The following MAPK10 variants were observed in gnomAD, a reference collection of about 807,000 sequenced individuals.
MAPK10 encodes JNK3 alpha protein kinase.
MAPK10 carries 25 observed loss-of-function variants against 59.3 expected under a neutral mutation model. The ratio of observed to expected loss-of-function variants is 0.42; its 90% CI spans 0.31 to 0.59. The LOEUF is 0.59. Ranked by LOEUF, MAPK10 falls within the 20% of genes least tolerant of loss-of-function variation. The pLI is 0.15. For synonymous variants in MAPK10, 190 were observed against 200.5 expected, an observed-to-expected ratio of 0.95 and a Z score of 0.44; for missense variants, 351 against 568.9, an observed-to-expected ratio of 0.62 and a Z score of 3.90.
At chr4:86,235,799 G>A (rs891505677) in intron 2 of MAPK10, among the ~76,000 whole-genome samples, 1 of 152,180 alleles carries the variant, frequency 6.6e-6, no homozygotes, top group Middle Eastern at 3.2e-3. Context: ...CTGAGGAGAA[G>A]CTTCAAAAAA....
intron 2 of MAPK10, chr4:86,325,922 G>C (rs2096011794): frequency 6.6e-6 from 1 of 152,182 alleles, no homozygotes; most frequent in Non-Finnish European, 1.5e-5. Flanking sequence ...CAGCATGTCA[G>C]AGGACCAGCA....
At chr4:86,390,319 C>T (rs1356928604) in intron 1 of MAPK10, among the ~76,000 whole-genome samples, 3 of 152,172 alleles carry the variant, frequency 2.0e-5, no homozygotes, top group Admixed American at 6.5e-5. Context: ...TTGAAAACTA[C>T]TGCACTTGAT....
chr4:86,182,128 C>T (rs1317672600), intron 3 of MAPK10, among the ~76,000 whole-genome samples: 1 of 150,976 alleles, frequency 6.6e-6, no homozygotes, highest in African/African-American at 2.4e-5. Flanking sequence ...TTTTATTGTC[C>T]AACATTACAA....
chr4:86,410,797 CTTCT>C (rs1388053976), intron 1 of MAPK10, among the ~76,000 whole-genome samples: 5 of 151,892 alleles, frequency 3.3e-5, no homozygotes, highest in Non-Finnish European at 7.4e-5. Flanking sequence ...TATCTCTTTT[CTTCT>C]TTATTAGTCT....
chr4:86,461,062 A>G (rs1486993405), intron 1 of MAPK10, among the ~76,000 whole-genome samples: 1 of 151,718 alleles, frequency 6.6e-6, no homozygotes, highest in Non-Finnish European at 1.5e-5. Flanking sequence ...GCTCAAACCC[A>G]GGTCGAAGGG....
In MAPK10 at chr4:86,451,902, T is replaced by C. The variant is rs1579272629; in HGVS notation, c.-122+1128A>G. On this transcript the variant is annotated intron_variant, in intron 1 of 13. Coordinates refer to the MAPK10 transcript ENST00000361569. ...CCAGCTCGGGGGATGACAGCTCATC[T>C]GGGGCCTGTGTGCACAAAGATGGAA... Among the ~76,000 whole-genome samples, 3 of 152,310 alleles carry C rather than the reference T, an allele frequency of 2.0e-5. No individual in the cohort carries two copies. In the East Asian group the frequency reaches 5.8e-4, roughly 29 times the overall value.
chr4:86,029,427 TTGCC>T, intron 12 of MAPK10, 153 bp from the exon 13 acceptor site: 1 of 603,472 alleles, frequency 1.7e-6, no homozygotes, highest in East Asian at 2.8e-5. Flanking sequence ...TATTTCTATA[TTGCC>T]TTGTAATTAG....
chr4:86,377,496 T>C (rs1270010025), intron 1 of MAPK10, among the ~76,000 whole-genome samples: 1 of 152,194 alleles, frequency 6.6e-6, no homozygotes. Context: ...CAAATCTTAC[T>C]TGGAGTGGGG....
chr4:86,439,622 G>T (rs988893407), intron 1 of MAPK10, among the ~76,000 whole-genome samples: 1 of 152,196 alleles, frequency 6.6e-6, no homozygotes, highest in African/African-American at 2.4e-5. Context: ...AGGTAGAATT[G>T]CTGGGTTATA....
chr4:86,069,393 A>G (rs979057676), intron 9 of MAPK10, among the ~76,000 whole-genome samples: 1 of 152,106 alleles, frequency 6.6e-6, no homozygotes, highest in East Asian at 1.9e-4. Context: ...TCCTTAATAA[A>G]GCAGTAGTAA....
At chr4:86,249,047 G>T (rs1380923) in intron 2 of MAPK10, among the ~76,000 whole-genome samples, 12,751 of 152,144 alleles carry the variant, frequency 0.084, 1,173 homozygotes, top group African/African-American at 0.23. Flanking sequence ...TAAAGGAGAA[G>T]AAATCTAAAT....
In MAPK10 at chr4:86,518,627, CTTTG is replaced by C. The variant is rs567909866; in HGVS notation, c.-263+75279_-263+75282del. Among the ~76,000 whole-genome samples, 553 of 144,804 alleles carry C rather than the reference CTTTG, an allele frequency of 3.8e-3. 2 individuals are homozygous for C. Among genetic ancestry groups the C allele is most frequent in the Middle Eastern group, 0.014 (4 of 282 alleles). The allele number at this position is 144,804 out of a possible 152,430, so 95.0% of individuals were successfully genotyped here. A position where few individuals can be genotyped will look rare whatever the true frequency, so the allele number is the denominator to read the frequency against. ...CAATTTCATTTAGTTCTGCTCTGATCTTTGTTTTTTTTTTTTTCTTCTGCTGGGC... is the reference window on the plus strand; with the variant it reads ...CAATTTCATTTAGTTCTGCTCTGATCTTTTTTTTTTTTTCTTCTGCTGGGC... On this transcript the variant is annotated intron_variant, in intron 1 of 4. Coordinates refer to the MAPK10 transcript ENST00000502302.
intron 7 of MAPK10, 123 bp downstream of exon 7, chr4:86,101,771 T>C (rs2055443130): frequency 4.3e-6 from 4 of 929,774 alleles, no homozygotes; most frequent in South Asian, 1.7e-5. Context: ...GTGCTAATTC[T>C]AGTATCAAAG....
chr4:86,277,976 A>T (rs1323453347), intron 2 of MAPK10, among the ~76,000 whole-genome samples: 9 of 152,054 alleles, frequency 5.9e-5, no homozygotes, highest in African/African-American at 2.2e-4. Context: ...TATATATCAC[A>T]AAGTATAACA....
chr4:86,101,457 AGGTTTT>A, intron 7 of MAPK10: 1 of 446,434 alleles, frequency 2.2e-6, no homozygotes, highest in Non-Finnish European at 4.0e-6. Flanking sequence ...TCTTGGGAAG[AGGTTTT>A]AGAAAAAAAA....
At chr4:86,532,576 T>C (rs1352739152) in intron 1 of MAPK10, among the ~76,000 whole-genome samples, 11 of 152,210 alleles carry the variant, frequency 7.2e-5, no homozygotes, top group African/African-American at 2.7e-4. Flanking sequence ...CCTCTCTTCC[T>C]ATCCAAATGC....
chr4:86,571,954 AT>A lies in MAPK10; in HGVS notation c.-263+21955del, dbSNP rs550125607. ...TTTTATTTTTTATTTGCTAGTTAAAATTTTTTCTAAGGAAGGAAAAATTTTA... is the reference window on the plus strand; with the variant it reads ...TTTTATTTTTTATTTGCTAGTTAAAATTTTTCTAAGGAAGGAAAAATTTTA... On this transcript the variant is annotated intron_variant, in intron 1 of 4. Coordinates refer to the MAPK10 transcript ENST00000502302. 3.3e-3 allele frequency among the ~76,000 whole-genome samples: 508 copies of A among 151,960 alleles called. 1 individual carries two copies. Among genetic ancestry groups the A allele is most frequent in the African/African-American group, 0.012 (491 of 41,464 alleles).
intron 4 of MAPK10, chr4:86,117,667 T>C (rs1487122439): frequency 1.3e-5 from 2 of 152,224 alleles, no homozygotes; most frequent in East Asian, 3.8e-4. Flanking sequence ...TATGAGCGAT[T>C]TGTAATGCAG....
chr4:86,039,627 G>C (rs1354484785), intron 11 of MAPK10, among the ~76,000 whole-genome samples: 2 of 152,094 alleles, frequency 1.3e-5, no homozygotes, highest in Non-Finnish European at 2.9e-5. Flanking sequence ...TCCAGCACTG[G>C]GCTGTCCCCT....
Sources: gnomAD v4.1 joint callset for allele counts (sites outside exome capture counted in the v4.1 genomes callset) on GRCh38, gnomAD v4.1.1 for gene constraint, MANE v1.5 for transcripts, NCBI Gene and HGNC (gene_info 2026-07-23, HGNC 2026-07-21) for gene names.